TRAPPC9: variants seen among roughly 807,000 people sequenced by gnomAD.
TRAPPC9 encodes IKK2 binding protein.
A neutral mutation model predicts 124.0 loss-of-function variants in TRAPPC9; 83 were observed. That is an observed-to-expected ratio of 0.67 (90% CI 0.56 to 0.80). The LOEUF (loss-of-function observed/expected upper bound fraction) is 0.80, where lower values mean the gene tolerates loss of function less well. Ranked by LOEUF, TRAPPC9 falls within the 30% of genes least tolerant of loss-of-function variation. The pLI is 0.00. For synonymous variants in TRAPPC9, 638 were observed against 617.5 expected, an observed-to-expected ratio of 1.03 and a Z score of -0.49; for missense variants, 1,302 against 1,508.3, an observed-to-expected ratio of 0.86 and a Z score of 2.27.
intron 17 of TRAPPC9, among the ~76,000 whole-genome samples, chr8:140,056,716 G>C (rs1354616282): frequency 1.3e-5 from 2 of 152,028 alleles, no homozygotes; most frequent in Admixed American, 6.5e-5. Context: ...ACTCCAAGAA[G>C]AAAACATAAG....
intron 8 of TRAPPC9, among the ~76,000 whole-genome samples, chr8:140,364,919 C>G (rs962708783): frequency 4.0e-5 from 6 of 151,470 alleles, no homozygotes; most frequent in African/African-American, 1.5e-4. Context: ...AGGGCTTGTC[C>G]AGTTATTTTG....
At chr8:140,085,004 G>A (rs1033378241) in intron 17 of TRAPPC9, among the ~76,000 whole-genome samples, 4 of 152,182 alleles carry the variant, frequency 2.6e-5, no homozygotes, top group African/African-American at 4.8e-5. Flanking sequence ...CGCAACGCTC[G>A]ACTCTGAAAG....
rs141007597 is a variant in TRAPPC9 at position 140,451,293 on chromosome 8, G to C, written c.81C>G (p.Ser27=). The change falls in exon 2 of 23, where the codon TCC becomes TCG. Residue 27 remains serine (S), a synonymous_variant. Transcript: ENST00000438773. ...TATAGATCCTGAAGAAGTTCTCCTC[G>C]GAGACGATGCCCACAGGCTGGACCA... The part of the protein sequence containing the change: ...LVVVQPVGIV[S]EENFFRIYKR... The C allele has an allele frequency of 6.2e-7, 1 of 1,610,090 alleles. No individual in the cohort carries two copies. Among genetic ancestry groups the C allele is most frequent in the Admixed American group, 1.7e-5 (1 of 60,024 alleles).
intron 19 of TRAPPC9, among the ~76,000 whole-genome samples, chr8:139,959,165 T>C (rs949324020): frequency 6.6e-6 from 1 of 152,202 alleles, no homozygotes; most frequent in Non-Finnish European, 1.5e-5. Context: ...GAGCAGATCA[T>C]TTAACCACAG....
chr8:139,855,111 A>G (rs1827720156), intron 21 of TRAPPC9, among the ~76,000 whole-genome samples: 1 of 152,210 alleles, frequency 6.6e-6, no homozygotes, highest in Non-Finnish European at 1.5e-5. Context: ...CATCCCTGGA[A>G]GCCAATCGGG....
At chr8:140,058,851 C>T (rs938371074) in intron 17 of TRAPPC9, among the ~76,000 whole-genome samples, 1 of 152,096 alleles carries the variant, frequency 6.6e-6, no homozygotes, top group African/African-American at 2.4e-5. Flanking sequence ...AGCTGGGAGC[C>T]GAGTCAGGAG....
In TRAPPC9 at chr8:140,097,652, G is replaced by A. The variant is rs932686177; in HGVS notation, c.2557-73573C>T. ...GTCGGCAGGATAAGAATGCCCAGCTGGATCTTGGGGTGCACAGCCCCAGCT... is the reference window on the plus strand; with the variant it reads ...GTCGGCAGGATAAGAATGCCCAGCTAGATCTTGGGGTGCACAGCCCCAGCT... On this transcript the variant is annotated intron_variant, in intron 17 of 22. Coordinates refer to ENST00000438773, the MANE Select transcript of TRAPPC9 (RefSeq NM_001160372.4). This position sits in a 1 kb window ranked among gnomAD's most constrained non-coding sequence, Gnocchi z 4.2. 2.6e-5 allele frequency: 4 copies of A among 152,356 alleles called. No individual in the cohort carries two copies. The highest frequency in any genetic ancestry group is 4.4e-5 in the Non-Finnish European group (3 of 68,060). 9.4% of individuals were successfully genotyped at this position (152,356 alleles called of 1,614,324 possible).
chr8:140,422,285 T>C lies in TRAPPC9; in HGVS notation c.886+4330A>G, dbSNP rs1478065138. ...AGTTTATATAGAGCACCTTAAGTCGTAGATATGACATCAAAAGCACAGGAA... is the reference window on the plus strand; with the variant it reads ...AGTTTATATAGAGCACCTTAAGTCGCAGATATGACATCAAAAGCACAGGAA... On this transcript the variant is annotated intron_variant, in intron 5 of 22. Coordinates refer to ENST00000438773, the MANE Select transcript of TRAPPC9 (RefSeq NM_001160372.4). Among the ~76,000 whole-genome samples the C allele has an allele frequency of 2.6e-5, 4 of 151,674 alleles. No homozygotes were observed. The East Asian group carries it at 7.7e-4, about 29-fold the overall frequency.
chr8:139,837,168 A>G (rs1826415150), intron 21 of TRAPPC9, among the ~76,000 whole-genome samples: 1 of 152,216 alleles, frequency 6.6e-6, no homozygotes, highest in African/African-American at 2.4e-5. Flanking sequence ...TGCAAAGCCT[A>G]GAAAGGCTGG....
At chr8:139,999,844 G>C (rs1425420306) in intron 18 of TRAPPC9, among the ~76,000 whole-genome samples, 1 of 152,096 alleles carries the variant, frequency 6.6e-6, no homozygotes, top group Non-Finnish European at 1.5e-5. Flanking sequence ...AGCCCCAAGA[G>C]AAATAAAATA....
At chr8:139,898,273 C>T (rs1187729295) in intron 20 of TRAPPC9, among the ~76,000 whole-genome samples, 1 of 152,214 alleles carries the variant, frequency 6.6e-6, no homozygotes, top group Non-Finnish European at 1.5e-5. Flanking sequence ...GCCAGCCACC[C>T]TGGGCTTCAG....
At chr8:140,402,296 A>G (rs1588288358) in intron 6 of TRAPPC9, among the ~76,000 whole-genome samples, 1 of 151,652 alleles carries the variant, frequency 6.6e-6, no homozygotes, top group Admixed American at 6.6e-5. Flanking sequence ...AGGTAGGAGG[A>G]TGAGGGTGGG....
chr8:140,046,544 G>A (rs1195300483), intron 17 of TRAPPC9, among the ~76,000 whole-genome samples: 3 of 152,246 alleles, frequency 2.0e-5, no homozygotes, highest in Admixed American at 2.0e-4. Context: ...CACAGCCTGG[G>A]AAGACTTCTG....
chr8:140,455,703 A>G (rs975916173), intron 1 of TRAPPC9, among the ~76,000 whole-genome samples: 4 of 152,188 alleles, frequency 2.6e-5, no homozygotes, highest in African/African-American at 4.8e-5. Flanking sequence ...TGCTGGGATT[A>G]CAGGCGTGAG....
intron 16 of TRAPPC9, among the ~76,000 whole-genome samples, chr8:140,223,019 T>C (rs1353943482): frequency 2.6e-5 from 4 of 152,232 alleles, no homozygotes; most frequent in Non-Finnish European, 5.9e-5. Flanking sequence ...TTATTTATTC[T>C]TTCTTTTTAA....
chr8:140,458,451 G>A, upstream of TRAPPC9: 3 of 1,576,398 alleles, frequency 1.9e-6, no homozygotes, highest in Non-Finnish European at 2.6e-6. Flanking sequence ...TGGCGCGCGC[G>A]GCCTGGGAGC....
chr8:139,985,795 T>G (rs1370928817), intron 19 of TRAPPC9, among the ~76,000 whole-genome samples: 3 of 152,172 alleles, frequency 2.0e-5, no homozygotes, highest in Admixed American at 2.0e-4. Context: ...AGTGAGTGCA[T>G]TAGCATGGAA....
rs576670628 is a variant in TRAPPC9, at chr8:139,793,801, C to T, written c.3056-61599G>A. ...CACATCCAACTTGAGCAGCTCCAGA[C>T]AGTGGAAAAAGGGCAGTTCACTCAC... On this transcript the variant is annotated intron_variant, in intron 21 of 22. Coordinates refer to ENST00000438773, the MANE Select transcript of TRAPPC9 (RefSeq NM_001160372.4). Among the ~76,000 whole-genome samples, 14 of 152,282 alleles carry T rather than the reference C, an allele frequency of 9.2e-5. 1 individual carries two copies. In the South Asian group the frequency reaches 2.5e-3, roughly 27 times the overall value.
intron 5 of TRAPPC9, among the ~76,000 whole-genome samples, chr8:140,423,307 G>A (rs2132532544): frequency 6.6e-6 from 1 of 152,176 alleles, no homozygotes. Context: ...AGGCATGGTG[G>A]TGGGCACCTG....
Sources: allele counts gnomAD v4.1 joint callset (sites outside exome capture counted in the v4.1 genomes callset), GRCh38; gene constraint gnomAD v4.1.1; non-coding constraint Gnocchi (gnomAD v3.1); transcripts MANE v1.5; gene names NCBI Gene and HGNC (gene_info 2026-07-23, HGNC 2026-07-21).